MLLT3: variants seen among roughly 807,000 people sequenced by gnomAD.
MLLT3 encodes the protein MLLT3 super elongation complex subunit, also known as protein AF-9.
MLLT3 carries 4 observed loss-of-function variants against 53.2 expected under a neutral mutation model. The ratio of observed to expected loss-of-function variants is 0.08; its 90% CI spans 0.04 to 0.17. MLLT3 has a LOEUF of 0.17. Among genes scored for constraint, MLLT3 ranks in the 10% least tolerant of loss-of-function variants. The pLI is 1.00. For missense variants in MLLT3, 569 were observed against 684.0 expected (o/e 0.83, Z 1.87); for synonymous variants, 283 against 230.6 (o/e 1.23, Z -2.06).
At chr9:20,536,587 T>C (rs1402896742) in intron 2 of MLLT3, among the ~76,000 whole-genome samples, 1 of 152,136 alleles carries the variant, frequency 6.6e-6, no homozygotes, top group African/African-American at 2.4e-5. Flanking sequence ...ACAGTTAGCT[T>C]AGAAGAAAAA....
Position 20,622,434 on chromosome 9 carries a change from A to G in MLLT3, c.-178T>C, listed in dbSNP as rs1453804688. The G allele has an allele frequency of 1.0e-5, 6 of 583,386 alleles. No individual in the cohort carries two copies. The highest frequency in any genetic ancestry group is 1.8e-5 in the Non-Finnish European group (6 of 334,444). The allele number at this position is 583,386 out of a possible 1,614,324, so 36.1% of individuals were successfully genotyped here. A position where few individuals can be genotyped will look rare whatever the true frequency, so the allele number is the denominator to read the frequency against. ...CGCTCGCTTGCTCGCTCGCTCGCTT[A>G]TTAAACTCAGCCCCAAAAGCAAAAG... On this transcript the variant is annotated 5_prime_UTR_variant, in exon 1 of 11. Transcript: ENST00000380338.
intron 2 of MLLT3, among the ~76,000 whole-genome samples, chr9:20,460,616 A>T (rs1484156683): frequency 1.3e-5 from 2 of 152,196 alleles, no homozygotes; most frequent in African/African-American, 4.8e-5. Context: ...CTTCAAAGTC[A>T]GCAACCACAA....
chr9:20,442,318 A>C (rs190161372), intron 4 of MLLT3, among the ~76,000 whole-genome samples: 1 of 151,976 alleles, frequency 6.6e-6, no homozygotes, highest in Non-Finnish European at 1.5e-5. Context: ...GATGTCTACC[A>C]AAATTTAAAT....
chr9:20,412,851 T>C (rs995408306), intron 5 of MLLT3, among the ~76,000 whole-genome samples: 2 of 152,222 alleles, frequency 1.3e-5, no homozygotes, highest in Non-Finnish European at 2.9e-5. Flanking sequence ...ACTTTTGAAT[T>C]AGTAACAACC....
chr9:20,581,700 A>G (rs1377653834), intron 2 of MLLT3, among the ~76,000 whole-genome samples: 1 of 152,174 alleles, frequency 6.6e-6, no homozygotes, highest in Non-Finnish European at 1.5e-5. Context: ...CCTCTCATAT[A>G]AGATGCAGGA....
chr9:20,571,880 T>C (rs1819541258), intron 2 of MLLT3, among the ~76,000 whole-genome samples: 1 of 152,196 alleles, frequency 6.6e-6, no homozygotes, highest in African/African-American at 2.4e-5. Flanking sequence ...AGATAACAAG[T>C]ATTGGCAAAG....
chr9:20,373,528 G>A (rs985966776), intron 5 of MLLT3, among the ~76,000 whole-genome samples: 4 of 152,186 alleles, frequency 2.6e-5, no homozygotes, highest in African/African-American at 7.2e-5. Context: ...GGTAACAGAT[G>A]TCAAAAGTAG....
chr9:20,570,017 T>C (rs1819489266), intron 2 of MLLT3, among the ~76,000 whole-genome samples: 1 of 152,192 alleles, frequency 6.6e-6, no homozygotes, highest in Admixed American at 6.6e-5. Context: ...GCATCTATTC[T>C]ATAAATGAAA....
At chr9:20,354,917 C>T in intron 8 of MLLT3, 38 bp from the exon 9 acceptor site, 4 of 1,498,076 alleles carry the variant, frequency 2.7e-6, no homozygotes, top group Non-Finnish European at 3.7e-6. Flanking sequence ...AATTTTATTT[C>T]AAGCATCTCT....
chr9:20,455,993 C>T (rs1250506606), intron 3 of MLLT3, among the ~76,000 whole-genome samples: 1 of 144,180 alleles, frequency 6.9e-6, no homozygotes, highest in African/African-American at 2.7e-5. Context: ...GGCTGGAATG[C>T]AGTAGTGCGA....
At chr9:20,528,039 C>T (rs1044564960) in intron 2 of MLLT3, among the ~76,000 whole-genome samples, 6 of 152,216 alleles carry the variant, frequency 3.9e-5, no homozygotes, top group East Asian at 1.9e-4. Flanking sequence ...TTATCTGTAA[C>T]GTTTTTAGAA....
intron 8 of MLLT3, among the ~76,000 whole-genome samples, chr9:20,359,457 C>A (rs1366797672): frequency 6.6e-6 from 1 of 152,196 alleles, no homozygotes; most frequent in East Asian, 1.9e-4. Context: ...AATACCCCAT[C>A]TATAAGAGAT....
chr9:20,524,799 C>T (rs1040923389), intron 2 of MLLT3, among the ~76,000 whole-genome samples: 11 of 152,144 alleles, frequency 7.2e-5, no homozygotes, highest in African/African-American at 2.7e-4. Context: ...CCTGAAGGTT[C>T]CCCAACTCCA....
chr9:20,357,805 C>T (rs1821206014), intron 8 of MLLT3, among the ~76,000 whole-genome samples: 1 of 152,162 alleles, frequency 6.6e-6, no homozygotes, highest in South Asian at 2.1e-4. Context: ...AGATCATTAT[C>T]AATTCATAGA....
rs1398107795 is a variant in MLLT3, at chr9:20,620,639, G to A, written c.193+15C>T. ...AGACATTTTTTATCAAGACCCTTTT[G>A]TATTCGAGCCCTACCTCTTTTTGGC... On this transcript the variant is annotated intron_variant, in intron 2 of 10. Coordinates refer to ENST00000380338, the MANE Select transcript of MLLT3 (RefSeq NM_004529.4). The surrounding 1 kb of genome is among the most constrained non-coding windows in gnomAD (Gnocchi z 6.1). The A allele has an allele frequency of 2.5e-6, 4 of 1,610,702 alleles. No individual in the cohort carries two copies. The highest frequency in any genetic ancestry group is 3.3e-5 in the Admixed American group (2 of 59,796).
chr9:20,562,311 G>A (rs552200886), intron 2 of MLLT3, among the ~76,000 whole-genome samples: 43 of 151,892 alleles, frequency 2.8e-4, no homozygotes, highest in Non-Finnish European at 5.4e-4. Context: ...TTCTGCTATC[G>A]CTGTTTCCAC....
intron 2 of MLLT3, among the ~76,000 whole-genome samples, chr9:20,601,459 C>A (rs28758334): frequency 0.016 from 2,468 of 152,262 alleles, 74 homozygotes; most frequent in African/African-American, 0.057. Context: ...GCAGACTGTT[C>A]TTACCCCAAG....
At chr9:20,379,107 ATC>A (rs1821847468) in intron 5 of MLLT3, among the ~76,000 whole-genome samples, 1 of 152,064 alleles carries the variant, frequency 6.6e-6, no homozygotes, top group Non-Finnish European at 1.5e-5. Context: ...TTTTCTCACC[ATC>A]AGAAAGATGC....
rs118015242 is a variant in MLLT3, at chr9:20,496,624, G to C, written c.194-39838C>G. On this transcript the variant is annotated intron_variant, in intron 2 of 10. Coordinates refer to ENST00000380338, the MANE Select transcript of MLLT3 (RefSeq NM_004529.4). Reference sequence around the variant, plus strand: ...AGCAGGATGTTGTGGTTTGTGCTGTGTTAGCCTGGTTAAGCTGAAACTACT... The same window carrying C: ...AGCAGGATGTTGTGGTTTGTGCTGTCTTAGCCTGGTTAAGCTGAAACTACT... Among the ~76,000 whole-genome samples the C allele has an allele frequency of 8.8e-3, 1,346 of 152,288 alleles. 7 individuals are homozygous for C. The highest frequency in any genetic ancestry group is 0.014 in the Non-Finnish European group (979 of 68,012).
Sources: gnomAD v4.1 joint callset for allele counts (sites outside exome capture counted in the v4.1 genomes callset) on GRCh38, gnomAD v4.1.1 for gene constraint, Gnocchi (gnomAD v3.1) non-coding constraint, MANE v1.5 for transcripts, NCBI Gene and HGNC (gene_info 2026-07-23, HGNC 2026-07-21) for gene names.